GRID1: variants seen among roughly 807,000 people sequenced by gnomAD.
GRID1 encodes glutamate ionotropic receptor delta type subunit 1, also known as glutamate receptor ionotropic, delta-1.
Under a neutral mutation model 98.0 loss-of-function variants are expected in GRID1, and 28 were observed. The ratio of observed to expected loss-of-function variants is 0.29; its 90% CI spans 0.21 to 0.39. The LOEUF is 0.39. GRID1 is among the 10% of genes least tolerant of loss of function. The pLI is 1.00. For missense variants in GRID1, 1,111 were observed against 1,340.5 expected, an observed-to-expected ratio of 0.83 and a Z score of 2.67; for synonymous variants, 553 against 538.5, an observed-to-expected ratio of 1.03 and a Z score of -0.37.
At chr10:85,878,962 G>A (rs1287448829) in intron 5 of GRID1, among the ~76,000 whole-genome samples, 5 of 151,742 alleles carry the variant, frequency 3.3e-5, no homozygotes, top group South Asian at 2.1e-4. Context: ...AAAGGCAGGG[G>A]TTGCAATCCT....
At chr10:85,680,935 G>A (rs1841201863) in intron 12 of GRID1, among the ~76,000 whole-genome samples, 1 of 152,170 alleles carries the variant, frequency 6.6e-6, no homozygotes, top group Non-Finnish European at 1.5e-5. Context: ...GCTAAATAGT[G>A]TGTACACATG....
At chr10:85,608,595 A>G (rs1842698954) in intron 15 of GRID1, among the ~76,000 whole-genome samples, 1 of 152,202 alleles carries the variant, frequency 6.6e-6, no homozygotes, top group African/African-American at 2.4e-5. Flanking sequence ...CTTGAATTAT[A>G]TTCATCACCC....
chr10:85,956,727 G>C (rs936787927), intron 4 of GRID1, among the ~76,000 whole-genome samples: 1 of 152,182 alleles, frequency 6.6e-6, no homozygotes, highest in Non-Finnish European at 1.5e-5. Context: ...ATTTAGGAGT[G>C]CAGAACAGAG....
intron 2 of GRID1, among the ~76,000 whole-genome samples, chr10:86,338,483 T>A (rs1470965293): frequency 6.6e-6 from 1 of 152,164 alleles, no homozygotes; most frequent in Non-Finnish European, 1.5e-5. Context: ...TGGATCTTTG[T>A]CCTGTACAAC....
chr10:85,791,484 G>A (rs1034189266), intron 8 of GRID1, among the ~76,000 whole-genome samples: 1 of 152,140 alleles, frequency 6.6e-6, no homozygotes, highest in Non-Finnish European at 1.5e-5. Flanking sequence ...GACGGCCCCA[G>A]CAAGCTCCTG....
intron 4 of GRID1, among the ~76,000 whole-genome samples, chr10:85,948,531 T>C (rs551238817): frequency 6.6e-6 from 1 of 152,002 alleles, no homozygotes; most frequent in South Asian, 2.1e-4. Flanking sequence ...AATTTTTGTG[T>C]AGTAAGCCTA....
chr10:86,221,141 G>A (rs1297290060), intron 2 of GRID1, among the ~76,000 whole-genome samples: 3 of 152,194 alleles, frequency 2.0e-5, no homozygotes, highest in African/African-American at 7.2e-5. Flanking sequence ...CAGAGCAGTC[G>A]GGGAGAGAAA....
Position 85,666,689 on chromosome 10 carries a change from C to G in GRID1, c.1998-19292G>C, listed in dbSNP as rs183863276. On this transcript the variant is annotated intron_variant, in intron 12 of 15. Coordinates refer to ENST00000327946, the MANE Select transcript of GRID1 (RefSeq NM_017551.3). Reference sequence around the variant, plus strand: ...ATTTCGGTTACTACAGGGGACGTGACTTCAACTCATCCCGAGCTTCCCCAC... The same window carrying G: ...ATTTCGGTTACTACAGGGGACGTGAGTTCAACTCATCCCGAGCTTCCCCAC... Among the ~76,000 whole-genome samples the G allele has an allele frequency of 9.2e-5, 14 of 152,336 alleles. No individual in the cohort carries two copies. In the East Asian group the frequency reaches 2.7e-3, roughly 29 times the overall value.
chr10:85,804,166 A>G (rs977549083), intron 8 of GRID1, among the ~76,000 whole-genome samples: 4 of 151,820 alleles, frequency 2.6e-5, no homozygotes, highest in African/African-American at 9.7e-5. Flanking sequence ...ATGAAAAAAA[A>G]GCATAAATTA....
chr10:85,763,892 T>C (rs117115704), intron 8 of GRID1, among the ~76,000 whole-genome samples: 44 of 152,240 alleles, frequency 2.9e-4, no homozygotes, highest in Admixed American at 5.2e-4. Context: ...ACTTGGGAAA[T>C]AATTTCATCT....
At chr10:85,623,251 G>C (rs1338865128) in intron 13 of GRID1, among the ~76,000 whole-genome samples, 5 of 152,156 alleles carry the variant, frequency 3.3e-5, no homozygotes, top group Non-Finnish European at 1.5e-5. Context: ...GTGTCACAGA[G>C]CCTGTCTGAG....
chr10:85,995,175 A>G (rs1383787229), intron 4 of GRID1, among the ~76,000 whole-genome samples: 1 of 152,134 alleles, frequency 6.6e-6, no homozygotes, highest in Non-Finnish European at 1.5e-5. Flanking sequence ...AATTCAACTT[A>G]AAGGCATTAT....
chr10:85,892,933 C>T (rs576495611), intron 5 of GRID1, among the ~76,000 whole-genome samples: 17 of 152,160 alleles, frequency 1.1e-4, no homozygotes, highest in Admixed American at 2.6e-4. Context: ...ATTTTTGTAT[C>T]TCTGGGCATA....
At chr10:85,655,290 C>T (rs1386643016) in intron 12 of GRID1, among the ~76,000 whole-genome samples, 1 of 152,122 alleles carries the variant, frequency 6.6e-6, no homozygotes, top group African/African-American at 2.4e-5. Context: ...TGGATCCATG[C>T]CCACTGGATC....
chr10:85,724,156 C>T (rs1841734519), intron 11 of GRID1, among the ~76,000 whole-genome samples, 196 bp downstream of exon 11: 1 of 152,106 alleles, frequency 6.6e-6, no homozygotes. Context: ...AGTTGAGCTC[C>T]TTATTGTTGT....
chr10:86,338,238 G>A (rs997066631), intron 2 of GRID1, among the ~76,000 whole-genome samples: 1 of 150,726 alleles, frequency 6.6e-6, no homozygotes, highest in Admixed American at 6.6e-5. Flanking sequence ...TGCACTGATT[G>A]GTTCATGGAT....
chr10:86,275,990 GAAAGAC>G (rs1847263847), intron 2 of GRID1, among the ~76,000 whole-genome samples: 1 of 152,166 alleles, frequency 6.6e-6, no homozygotes, highest in African/African-American at 2.4e-5. Context: ...TCAAACTACT[GAAAGAC>G]AAAGACAAAG....
At chr10:86,198,740 G>A (rs1480500041) in intron 3 of GRID1, among the ~76,000 whole-genome samples, 2 of 152,092 alleles carry the variant, frequency 1.3e-5, no homozygotes, top group African/African-American at 4.8e-5. Context: ...AAACGCAAAG[G>A]TTATCCTGAG....
At chr10:86,137,766 G>A (rs1057340402) in intron 4 of GRID1, among the ~76,000 whole-genome samples, 3 of 152,174 alleles carry the variant, frequency 2.0e-5, no homozygotes, top group Non-Finnish European at 4.4e-5. Context: ...GATTAGCAGA[G>A]AGCATCAGGG....
Sources: allele counts gnomAD v4.1 joint callset (sites outside exome capture counted in the v4.1 genomes callset), GRCh38; gene constraint gnomAD v4.1.1; transcripts MANE v1.5; gene names NCBI Gene and HGNC (gene_info 2026-07-23, HGNC 2026-07-21).